Variants in CNTN4 observed in about 807,000 individuals in gnomAD.
The protein encoded by CNTN4 is contactin-4.
Under a neutral mutation model 122.5 loss-of-function variants are expected in CNTN4, and 77 were observed. The observed-to-expected ratio is 0.63, with a 90% CI of 0.52 to 0.76. The LOEUF is 0.76. Ranked by LOEUF, CNTN4 falls within the 30% of genes least tolerant of loss-of-function variation. The pLI, the probability that CNTN4 is intolerant of heterozygous loss-of-function variation, is 0.00. For missense variants in CNTN4, 1,256 were observed against 1,259.1 expected (o/e 1.00, Z 0.04); for synonymous variants, 512 against 447.0 (o/e 1.15, Z -1.83).
intron 4 of CNTN4, among the ~76,000 whole-genome samples, chr3:2,684,193 A>G (rs1324963421): frequency 3.3e-5 from 5 of 152,122 alleles, no homozygotes; most frequent in Non-Finnish European, 7.4e-5. Flanking sequence ...CCATTAGCAC[A>G]CCATGTGAGT....
chr3:2,197,288 T>C (rs572266688), intron 2 of CNTN4, among the ~76,000 whole-genome samples: 83 of 152,306 alleles, frequency 5.4e-4, no homozygotes, highest in African/African-American at 1.9e-3. Context: ...TGGAGGGTGA[T>C]GGCACACTTT....
At chr3:2,334,914 C>G (rs1239873530) in intron 2 of CNTN4, among the ~76,000 whole-genome samples, 1 of 152,126 alleles carries the variant, frequency 6.6e-6, no homozygotes, top group Non-Finnish European at 1.5e-5. Context: ...AACCGACACA[C>G]CTTTTGGTTT....
chr3:2,355,263 A>G (rs1281413023), intron 3 of CNTN4, among the ~76,000 whole-genome samples: 1 of 152,212 alleles, frequency 6.6e-6, no homozygotes, highest in Non-Finnish European at 1.5e-5. Context: ...TTTGCTCAAG[A>G]TCACCTAGCG....
At chr3:2,604,829 G>T (rs555933238) in intron 4 of CNTN4, among the ~76,000 whole-genome samples, 2 of 152,096 alleles carry the variant, frequency 1.3e-5, no homozygotes, top group African/African-American at 4.8e-5. Context: ...CTGCCCCCTT[G>T]TTGTTGTTTT....
intron 16 of CNTN4, among the ~76,000 whole-genome samples, chr3:3,031,244 G>A (rs556825769): frequency 8.5e-5 from 13 of 152,298 alleles, no homozygotes; most frequent in East Asian, 7.7e-4. Context: ...GGCTGTTGGA[G>A]TTGATATGAC....
At chr3:2,612,139 CAA>C (rs1491064618) in intron 4 of CNTN4, among the ~76,000 whole-genome samples, 3 of 135,766 alleles carry the variant, frequency 2.2e-5, no homozygotes, top group Non-Finnish European at 3.2e-5. Context: ...CACACACACA[CAA>C]CAGACAGAGA....
In CNTN4 at chr3:2,819,574, T is replaced by C. The variant is rs758964447; in HGVS notation, c.447T>C (p.His149=). ...GMVLLCGPPP[H]SGELSYAWIF... ...TGCTACTGTGTGGCCCGCCACCCCA[T>C]TCTGGAGGTACATATAAATGAACTG... Residue 149 remains histidine (H), a synonymous_variant, in exon 7 of 25, where the codon CAT becomes CAC. Coordinates refer to ENST00000418658, the MANE Select transcript of CNTN4 (RefSeq NM_175607.3). 6.2e-7 allele frequency: 1 copy of C among 1,610,410 alleles called. No individual in the cohort carries two copies. The highest frequency in any genetic ancestry group is 1.1e-5 in the South Asian group (1 of 91,002).
At chr3:2,919,581 A>G (rs1252776258) in intron 12 of CNTN4, among the ~76,000 whole-genome samples, 1 of 152,178 alleles carries the variant, frequency 6.6e-6, no homozygotes, top group African/African-American at 2.4e-5. Context: ...GGTTCTCACT[A>G]TCATAGTCTA....
chr3:2,834,811 T>G (rs993717064), intron 7 of CNTN4, among the ~76,000 whole-genome samples: 1 of 147,628 alleles, frequency 6.8e-6, no homozygotes, highest in Admixed American at 6.8e-5. Context: ...AAACAGATTT[T>G]AAAAAGAAAA....
intron 4 of CNTN4, among the ~76,000 whole-genome samples, chr3:2,639,883 G>T (rs11706952): frequency 0.021 from 3,212 of 152,254 alleles, 37 homozygotes; most frequent in Middle Eastern, 0.041. Context: ...CATATTTTTT[G>T]TAATAGCTTA....
chr3:2,760,166 G>A (rs9863743), intron 6 of CNTN4, among the ~76,000 whole-genome samples: 105,912 of 152,056 alleles, frequency 0.7, 38,288 homozygotes, highest in Non-Finnish European at 0.8. Context: ...TTGAAGCACA[G>A]AAGTTTTAAT....
chr3:2,404,481 G>A (rs1351146937), intron 3 of CNTN4, among the ~76,000 whole-genome samples: 14 of 152,212 alleles, frequency 9.2e-5, no homozygotes, highest in Admixed American at 8.5e-4. Context: ...CAGAAATGAT[G>A]GTAGAGTTCT....
At chr3:2,893,191 T>C (rs1192477808) in intron 10 of CNTN4, among the ~76,000 whole-genome samples, 1 of 152,214 alleles carries the variant, frequency 6.6e-6, no homozygotes, top group Non-Finnish European at 1.5e-5. Context: ...CTAGAGCCTT[T>C]GTGCTACAGT....
chr3:2,984,022 G>A (rs1286193520), intron 13 of CNTN4, among the ~76,000 whole-genome samples: 1 of 152,120 alleles, frequency 6.6e-6, no homozygotes, highest in Non-Finnish European at 1.5e-5. Flanking sequence ...TGGGAGAGTT[G>A]AGACCCTAAA....
intron 3 of CNTN4, among the ~76,000 whole-genome samples, chr3:2,513,420 T>C (rs1256889314): frequency 7.0e-6 from 1 of 142,550 alleles, no homozygotes; most frequent in Non-Finnish European, 1.5e-5. Context: ...TTAGTTAAGG[T>C]CCAGTGATTT....
chr3:3,000,228 GA>G (rs1695905477), intron 14 of CNTN4, among the ~76,000 whole-genome samples: 1 of 151,950 alleles, frequency 6.6e-6, no homozygotes, highest in South Asian at 2.1e-4. Context: ...CAAAACAAGA[GA>G]GGGGGGAAAT....
At chr3:2,753,700 A>G (rs2090203340) in intron 6 of CNTN4, among the ~76,000 whole-genome samples, 1 of 152,208 alleles carries the variant, frequency 6.6e-6, no homozygotes, top group South Asian at 2.1e-4. Context: ...GGTTGGTGAA[A>G]TGTTTCCTTT....
intron 2 of CNTN4, among the ~76,000 whole-genome samples, chr3:2,335,846 T>C (rs1459699782): frequency 6.6e-6 from 1 of 152,166 alleles, no homozygotes; most frequent in African/African-American, 2.4e-5. Context: ...AAATCCACTG[T>C]GGAAGTGGAA....
chr3:2,117,761 T>TC lies in CNTN4; in HGVS notation c.-145+17125dup, dbSNP rs1337199692. On this transcript the variant is annotated intron_variant, in intron 2 of 24. Coordinates refer to ENST00000418658, the MANE Select transcript of CNTN4 (RefSeq NM_175607.3). ...TGGGCTAATGGAATATTTTAAAATT[T>TC]CCCGGGTGATTTTATTAGACACGCA... is the stretch of plus-strand genomic sequence containing the variant. Among the ~76,000 whole-genome samples the TC allele has an allele frequency of 3.9e-5, 6 of 152,176 alleles. No homozygotes were observed. The East Asian group carries it at 7.7e-4, about 20-fold the overall frequency.
Sources: allele counts gnomAD v4.1 joint callset (sites outside exome capture counted in the v4.1 genomes callset), GRCh38; gene constraint gnomAD v4.1.1; transcripts MANE v1.5; gene names NCBI Gene and HGNC (gene_info 2026-07-23, HGNC 2026-07-21).